Variants in TTC14 observed in about 807,000 individuals in gnomAD.
TTC14 encodes tetratricopeptide repeat protein 14.
A neutral mutation model predicts 79.9 loss-of-function variants in TTC14; 63 were observed. That is an observed-to-expected ratio of 0.79 (90% CI 0.64 to 0.97). TTC14 has a LOEUF of 0.97. TTC14 is among the 50% of genes least tolerant of loss of function. The pLI, the probability that TTC14 is intolerant of heterozygous loss-of-function variation, is 0.00. For synonymous variants in TTC14, 335 were observed against 309.6 expected (o/e 1.08, Z -0.86); for missense variants, 895 against 894.0 (o/e 1.00, Z -0.01).
downstream of TTC14, chr3:180,614,080 G>A (rs189097577): frequency 1.2e-3 from 285 of 237,446 alleles, no homozygotes; most frequent in Non-Finnish European, 1.5e-3. Context: ...ACAAAGTGTT[G>A]GGCACATGTT....
At chr3:180,603,770 G>A (rs1436687017) in intron 3 of TTC14, 1 of 221,896 alleles carries the variant, frequency 4.5e-6, no homozygotes, top group Admixed American at 5.3e-5. Flanking sequence ...TGCCCAAGAT[G>A]GATAGTCCTG....
rs759077738 is a variant in TTC14, at chr3:180,603,120, T to G, written c.287-4T>G. On this transcript the variant is annotated splice_region_variant and splice_polypyrimidine_tract_variant and intron_variant, in intron 2 of 11. Coordinates refer to ENST00000296015, the MANE Select transcript of TTC14 (RefSeq NM_133462.4). ...TAGTGATTTTGTTAATTTTTTTTTT[T>G]TAGATCATTATGCAATCATGCCACC... The G allele has an allele frequency of 6.2e-7, 1 of 1,610,658 alleles. No individual in the cohort carries two copies.
intron 3 of TTC14, 151 bp downstream of exon 3, chr3:180,603,474 T>A (rs992205913): frequency 2.7e-5 from 19 of 693,952 alleles, no homozygotes; most frequent in East Asian, 8.3e-5. Context: ...TTTAAAAAAA[T>A]TAGTGTAAGT....
chr3:180,607,833 G>A (rs1716777841), intron 10 of TTC14, 68 bp downstream of exon 10: 2 of 1,585,200 alleles, frequency 1.3e-6, no homozygotes, highest in Middle Eastern at 1.8e-4. Context: ...ATTTTCTCCT[G>A]AGGAAAACTA....
At chr3:180,604,399 G>T in intron 4 of TTC14, 79 bp from the exon 5 acceptor site, 1 of 1,539,466 alleles carries the variant, frequency 6.5e-7, no homozygotes, top group Non-Finnish European at 8.8e-7. Context: ...AGAGGGTAGT[G>T]TTTGGGAAAG....
chr3:180,602,216 A>G lies in TTC14; in HGVS notation c.-46A>G, dbSNP rs377051463. 254 of 1,605,668 alleles carry G rather than the reference A, an allele frequency of 1.6e-4. 2 individuals carry two copies. The highest frequency in any genetic ancestry group is 8.0e-4 in the South Asian group (72 of 89,990). On this transcript the variant is annotated 5_prime_UTR_variant, in exon 1 of 12. Coordinates refer to ENST00000296015, the MANE Select transcript of TTC14 (RefSeq NM_133462.4). ...CCGGCTCAAGTAGCGGACACGGAAC[A>G]GGGAACTATCAGCCCGTCGGCCTCC...
chr3:180,615,011 C>T (rs183889161), downstream of TTC14: 37 of 1,558,780 alleles, frequency 2.4e-5, no homozygotes, highest in African/African-American at 3.5e-4. Context: ...AAGAGGAGGC[C>T]GGGAATTTAA....
rs754425321 is a variant in TTC14 at position 180,603,006 on chromosome 3, G to A, written c.277G>A (p.Asp93Asn). The A allele has an allele frequency of 5.0e-6, 8 of 1,613,324 alleles. No homozygotes were observed. In the Middle Eastern group the frequency reaches 4.9e-4, roughly 100 times the overall value. Residue 93 changes from aspartate to asparagine, a missense_variant, in exon 2 of 12, where the codon GAC (aspartate) becomes AAC (asparagine). By Grantham distance (23) the Asp-to-Asn change is conservative (BLOSUM62 1). Coordinates refer to ENST00000296015, the MANE Select transcript of TTC14 (RefSeq NM_133462.4). ...DAPATSEINE[D>N]SEDHYAIMPP... ...ACCTGCAACTTCTGAAATTAATGAA[G>A]ACAGTGAAGGTCAGTTTAGCCTTAA...
chr3:180,614,377 G>C (rs1340403460), downstream of TTC14: 2 of 149,698 alleles, frequency 1.3e-5, no homozygotes, highest in South Asian at 2.1e-4. Flanking sequence ...TTTTTTTTTG[G>C]GGGGGTGGGG....
chr3:180,605,245 G>T, intron 6 of TTC14: 1 of 357,110 alleles, frequency 2.8e-6, no homozygotes, highest in Middle Eastern at 7.5e-4. Context: ...AATTTTGTGT[G>T]TATGCTAAAG....
chr3:180,608,822 T>C lies in TTC14; in HGVS notation c.1400+12T>C. On this transcript the variant is annotated intron_variant, in intron 11 of 11. Transcript: ENST00000296015. ...AAAGAAGAGAAGAGGTAAACTATAATATTCAGTATTTTTAAACTTAAGGCA... is the reference window on the plus strand; with the variant it reads ...AAAGAAGAGAAGAGGTAAACTATAACATTCAGTATTTTTAAACTTAAGGCA... The C allele has an allele frequency of 4.7e-6, 7 of 1,482,400 alleles. No homozygotes were observed. The highest frequency in any genetic ancestry group is 6.2e-6 in the Non-Finnish European group (7 of 1,120,296). The allele number at this position is 1,482,400 out of a possible 1,614,324, so 91.8% of individuals were successfully genotyped here.
chr3:180,607,846 C>T, intron 10 of TTC14, 81 bp downstream of exon 10: 1 of 1,570,114 alleles, frequency 6.4e-7, no homozygotes, highest in Non-Finnish European at 8.6e-7. Flanking sequence ...GAAAACTATT[C>T]TACATTACTT....
intron 9 of TTC14, 99 bp downstream of exon 9, chr3:180,606,702 T>C (rs1716715968): frequency 5.2e-6 from 7 of 1,349,924 alleles, no homozygotes; most frequent in Non-Finnish European, 7.1e-6. Flanking sequence ...ACTTAATTTA[T>C]AACACTCTTG....
chr3:180,603,535 C>G (rs929410055), intron 3 of TTC14: 2 of 542,608 alleles, frequency 3.7e-6, no homozygotes, highest in Non-Finnish European at 6.6e-6. Context: ...TAAATTTAAA[C>G]TGGTTGGCAG....
chr3:180,616,455 C>T (rs1219856934), intron 12 of TTC14: 2 of 1,497,806 alleles, frequency 1.3e-6, no homozygotes, highest in Non-Finnish European at 1.8e-6. Context: ...TGATGAATGT[C>T]ATGAAAGTTT....
chr3:180,612,561 T>A (rs549920825), downstream of TTC14, among the ~76,000 whole-genome samples: 44 of 152,134 alleles, frequency 2.9e-4, no homozygotes, highest in Middle Eastern at 0.01. Context: ...GGCTAGAAAT[T>A]TGAGACTGGC....
chr3:180,616,303 AAGG>A, intron 12 of TTC14: 1 of 1,613,368 alleles, frequency 6.2e-7, no homozygotes, highest in South Asian at 1.1e-5. Flanking sequence ...GAAGTATGTG[AAGG>A]AGATCTAGAG....
At position 180,610,951 on chromosome 3, in the gene TTC14, A is replaced by G. The variant is rs548015637; in HGVS notation, c.*409A>G. On this transcript the variant is annotated 3_prime_UTR_variant, in exon 12 of 12. Coordinates refer to ENST00000296015, the MANE Select transcript of TTC14 (RefSeq NM_133462.4). ...TTAATTTCATTTTCTTTTCTGTTAA[A>G]TTAAAAATCGTCAGCTTTTGAAAGA... 2 of 968,316 alleles carry G rather than the reference A, an allele frequency of 2.1e-6. No individual in the cohort carries two copies. Among genetic ancestry groups the G allele is most frequent in the African/African-American group, 3.5e-5 (2 of 56,912 alleles). The allele number at this position is 968,316 out of a possible 1,614,324, so 60.0% of individuals were successfully genotyped here.
chr3:180,617,071 A>G, intron 12 of TTC14: 1 of 662,392 alleles, frequency 1.5e-6, no homozygotes, highest in East Asian at 2.9e-5. Context: ...ATTTTTGTAC[A>G]TAATATACAT....
Sources: allele counts gnomAD v4.1 joint callset (sites outside exome capture counted in the v4.1 genomes callset), GRCh38; gene constraint gnomAD v4.1.1; transcripts MANE v1.5; gene names NCBI Gene and HGNC (gene_info 2026-07-23, HGNC 2026-07-21).